GRID2: variants seen among roughly 807,000 people sequenced by gnomAD.
GRID2 encodes the protein glutamate ionotropic receptor delta type subunit 2.
In GRID2, 33 loss-of-function variants were observed where a neutral mutation model predicts 114.8. The ratio of observed to expected loss-of-function variants is 0.29; its 90% confidence interval spans 0.22 to 0.38. The LOEUF (loss-of-function observed/expected upper bound fraction) is 0.38, where lower values mean the gene tolerates loss of function less well. Among genes scored for constraint, GRID2 ranks in the 10% least tolerant of loss-of-function variants. GRID2 has a pLI of 1.00. For synonymous variants in GRID2, 505 were observed against 449.9 expected, an observed-to-expected ratio of 1.12 and a Z score of -1.55; for missense variants, 1,184 against 1,257.7, an observed-to-expected ratio of 0.94 and a Z score of 0.89.
chr4:92,617,416 T>G (rs1038049311), intron 2 of GRID2, among the ~76,000 whole-genome samples: 3 of 151,674 alleles, frequency 2.0e-5, no homozygotes, highest in African/African-American at 7.3e-5. Context: ...GATGCTACTT[T>G]TTACTTCCAT....
chr4:93,376,289 C>T (rs560552603), intron 8 of GRID2, among the ~76,000 whole-genome samples: 72 of 152,162 alleles, frequency 4.7e-4, no homozygotes, highest in African/African-American at 1.6e-3. Context: ...CATTATACAC[C>T]TGCTGTTTAA....
intron 8 of GRID2, among the ~76,000 whole-genome samples, chr4:93,385,822 G>A (rs74736196): frequency 0.037 from 5,576 of 151,984 alleles, 150 homozygotes; most frequent in Admixed American, 0.07. Flanking sequence ...GAGAAACTAA[G>A]GTTTTTAAAA....
chr4:92,857,618 C>T lies in GRID2; in HGVS notation c.245-227377C>T, dbSNP rs559227304. ...AGTTGGAAGCTAGCAGAGGTTGGCT[C>T]CTGAGGTTCACAGAAAGAAGTCATC... On this transcript the variant is annotated intron_variant, in intron 2 of 15. Coordinates refer to ENST00000282020, the MANE Select transcript of GRID2 (RefSeq NM_001510.4). 2.6e-5 allele frequency among the ~76,000 whole-genome samples: 4 copies of T among 152,174 alleles called. No individual in the cohort carries two copies. In the South Asian group the frequency reaches 8.3e-4, roughly 32 times the overall value.
At chr4:93,424,895 G>A (rs1183115666) in intron 10 of GRID2, among the ~76,000 whole-genome samples, 1 of 151,984 alleles carries the variant, frequency 6.6e-6, no homozygotes. Flanking sequence ...TTGACAATTT[G>A]TCTTGATCTG....
rs1410135280 is a variant in GRID2, at chr4:93,335,346, G to T, written c.1246-60261G>T. On this transcript the variant is annotated intron_variant, in intron 8 of 15. Coordinates refer to ENST00000282020, the MANE Select transcript of GRID2 (RefSeq NM_001510.4). ...CTTTTCTGAGTTCTTTATACTTCCG[G>T]TGTGCGGTGGGAAGAAAGAGTTAAA... Among the ~76,000 whole-genome samples, 7 of 152,206 alleles carry T rather than the reference G, an allele frequency of 4.6e-5. No individual in the cohort carries two copies. The East Asian group carries it at 1.4e-3, about 30-fold the overall frequency.
rs181301070 is a variant in GRID2 at position 93,020,804 on chromosome 4, G to A, written c.245-64191G>A. ...TCCCAGCACTTTGGAAGGCCGAGGC[G>A]GGCAGATCACCTGAGTTCAGGAGTT... On this transcript the variant is annotated intron_variant, in intron 2 of 15. Coordinates refer to ENST00000282020, the MANE Select transcript of GRID2 (RefSeq NM_001510.4). Among the ~76,000 whole-genome samples, 1,179 of 152,088 alleles carry A rather than the reference G, an allele frequency of 7.8e-3. 18 individuals are homozygous for A. Among genetic ancestry groups the A allele is most frequent in the African/African-American group, 0.027 (1,116 of 41,512 alleles).
intron 1 of GRID2, among the ~76,000 whole-genome samples, chr4:92,473,021 T>C: frequency 6.6e-6 from 1 of 152,060 alleles, no homozygotes; most frequent in East Asian, 1.9e-4. Context: ...TTTCTAGACA[T>C]TTCATAGTTT....
Position 92,643,778 on chromosome 4 carries a change from AT to A in GRID2, c.244+53494del, listed in dbSNP as rs372166840. On this transcript the variant is annotated intron_variant, in intron 2 of 15. Transcript: ENST00000282020. ...CCTGGCCAAATTTAAAAAAAAATTG[AT>A]TGTTTAACTGTCATACATGCCTTGA... 4.7e-3 allele frequency among the ~76,000 whole-genome samples: 706 copies of A among 151,738 alleles called. 8 individuals carry two copies. The highest frequency in any genetic ancestry group is 0.016 in the African/African-American group (671 of 41,462).
intron 2 of GRID2, among the ~76,000 whole-genome samples, chr4:92,918,013 C>T (rs1198180827): frequency 6.6e-6 from 1 of 152,022 alleles, no homozygotes; most frequent in Non-Finnish European, 1.5e-5. Context: ...TGTTTGTATC[C>T]TCTTTTATTT....
intron 4 of GRID2, among the ~76,000 whole-genome samples, chr4:93,176,989 A>G (rs1418466034): frequency 6.6e-6 from 1 of 152,190 alleles, no homozygotes; most frequent in Admixed American, 6.5e-5. Flanking sequence ...TTAGAGTCCA[A>G]TAACAATACA....
chr4:93,233,335 ATTT>A (rs1210273655), intron 7 of GRID2, among the ~76,000 whole-genome samples: 3 of 104,580 alleles, frequency 2.9e-5, no homozygotes, highest in East Asian at 2.3e-4. Context: ...TATTATTATT[ATTT>A]TTTTTTTTAT....
In GRID2 at chr4:93,021,745, ATTAT is replaced by A. The variant is rs937560923; in HGVS notation, c.245-63245_245-63242del. On this transcript the variant is annotated intron_variant, in intron 2 of 15. Transcript: ENST00000282020. Reference sequence around the variant, plus strand: ...TAATATGTATATTATGAATATTATAATTATTTATAATATGAATATTATAATATTT... The same window carrying A: ...TAATATGTATATTATGAATATTATAATTATAATATGAATATTATAATATTT... Among the ~76,000 whole-genome samples the A allele has an allele frequency of 8.2e-5, 12 of 145,556 alleles. No homozygotes were observed. The South Asian group carries it at 8.4e-4, about 10-fold the overall frequency.
chr4:93,372,492 A>G (rs772245089), intron 8 of GRID2, among the ~76,000 whole-genome samples: 3 of 151,846 alleles, frequency 2.0e-5, no homozygotes, highest in Admixed American at 6.6e-5. Flanking sequence ...TTTGCTTATT[A>G]TTCTCTACCC....
At chr4:93,103,918 T>G (rs1731945582) in intron 3 of GRID2, among the ~76,000 whole-genome samples, 1 of 152,116 alleles carries the variant, frequency 6.6e-6, no homozygotes, top group Admixed American at 6.5e-5. Context: ...CTTCATTTTT[T>G]TTTTTTTTTA....
At chr4:93,337,272 A>G (rs1462967188) in intron 8 of GRID2, among the ~76,000 whole-genome samples, 1 of 152,198 alleles carries the variant, frequency 6.6e-6, no homozygotes, top group Non-Finnish European at 1.5e-5. Flanking sequence ...CAGGCCAAGA[A>G]ATTAACCTTC....
At chr4:93,011,223 G>GT (rs1384377300) in intron 2 of GRID2, among the ~76,000 whole-genome samples, 8 of 150,832 alleles carry the variant, frequency 5.3e-5, no homozygotes, top group Non-Finnish European at 1.2e-4. Context: ...TTTGCTGTCT[G>GT]TGTTTTTTCT....
At chr4:93,555,067 C>T (rs1251725430) in intron 13 of GRID2, among the ~76,000 whole-genome samples, 1 of 152,130 alleles carries the variant, frequency 6.6e-6, no homozygotes, top group Non-Finnish European at 1.5e-5. Flanking sequence ...AAGAACGGTG[C>T]ACTGTGGCCC....
chr4:92,429,750 C>T (rs999415116), intron 1 of GRID2, among the ~76,000 whole-genome samples: 1 of 152,034 alleles, frequency 6.6e-6, no homozygotes, highest in Non-Finnish European at 1.5e-5. Context: ...TTCTCCACAC[C>T]CTCGCCAGCA....
chr4:92,675,852 C>G (rs1464926894), intron 2 of GRID2, among the ~76,000 whole-genome samples: 1 of 151,994 alleles, frequency 6.6e-6, no homozygotes. Flanking sequence ...CCACGCCTGG[C>G]CTGAGCTACC....
Sources: allele counts gnomAD v4.1 joint callset (sites outside exome capture counted in the v4.1 genomes callset), GRCh38; gene constraint gnomAD v4.1.1; transcripts MANE v1.5; gene names NCBI Gene and HGNC (gene_info 2026-07-23, HGNC 2026-07-21).